MRPL50: variants seen among roughly 807,000 people sequenced by gnomAD.
The protein encoded by MRPL50 is large ribosomal subunit protein mL50.
Under a neutral mutation model 16.2 loss-of-function variants are expected in MRPL50, and 10 were observed. That is an observed-to-expected ratio of 0.62 (90% CI 0.38 to 1.05). MRPL50 has a LOEUF of 1.05. Ranked by LOEUF, MRPL50 falls within the 50% of genes least tolerant of loss-of-function variation. MRPL50 has a pLI of 0.01. For synonymous variants in MRPL50, 68 were observed against 66.8 expected (o/e 1.02, Z -0.09); for missense variants, 213 against 187.1 (o/e 1.14, Z -0.81).
intron 1 of MRPL50, among the ~76,000 whole-genome samples, chr9:101,393,843 G>C (rs192297634): frequency 2.2e-4 from 33 of 151,962 alleles, no homozygotes; most frequent in Non-Finnish European, 4.3e-4. Flanking sequence ...AATTGATGTT[G>C]TTGAAATGCT....
intron 1 of MRPL50, among the ~76,000 whole-genome samples, chr9:101,398,087 G>T (rs1207733436): frequency 1.3e-5 from 2 of 152,174 alleles, no homozygotes; most frequent in African/African-American, 2.4e-5. Flanking sequence ...ATGACTGAAT[G>T]AATGAACAAA....
rs147379393 is a variant in MRPL50, at chr9:101,394,961, T to C, written c.92+3540A>G. On this transcript the variant is annotated intron_variant, in intron 1 of 1. Coordinates refer to ENST00000374865, the MANE Select transcript of MRPL50 (RefSeq NM_019051.3). ...TATATCAAACTAAAAAGCTTCTGCA[T>C]AGCAAAGGCAACAATAAACAAAGTG... Among the ~76,000 whole-genome samples, 1,027 of 152,184 alleles carry C rather than the reference T, an allele frequency of 6.7e-3. 6 individuals carry two copies. The highest frequency in any genetic ancestry group is 0.011 in the Non-Finnish European group (750 of 67,988).
rs1165793597 is a variant in MRPL50 at position 101,388,151 on chromosome 9, G to A, written c.*2315C>T. The A allele has an allele frequency of 3.9e-5, 6 of 152,004 alleles. No individual in the cohort carries two copies. The highest frequency in any genetic ancestry group is 7.4e-5 in the Non-Finnish European group (5 of 67,982). 9.4% of individuals were successfully genotyped at this position (152,004 alleles called of 1,614,324 possible). ...ATGCAGAAGCTCAGGACCTACTCCA[G>A]ACTTACCAAATCAGAATTTGCATTT... On this transcript the variant is annotated 3_prime_UTR_variant, in exon 2 of 2. Transcript: ENST00000374865.
chr9:101,389,359 T>C lies in MRPL50; in HGVS notation c.*1107A>G, dbSNP rs1830241170. On this transcript the variant is annotated 3_prime_UTR_variant, in exon 2 of 2. Transcript: ENST00000374865. ...CCAGAGCTCCAGGCACTCTGACACCTGAAGTTCTTGAATGAAGTGCCTGTG... is the reference window on the plus strand; with the variant it reads ...CCAGAGCTCCAGGCACTCTGACACCCGAAGTTCTTGAATGAAGTGCCTGTG... 1.2e-6 allele frequency: 1 copy of C among 845,174 alleles called. No homozygotes were observed. The allele number at this position is 845,174 out of a possible 1,614,324, so 52.4% of individuals were successfully genotyped here. A position where few individuals can be genotyped will look rare whatever the true frequency, so the allele number is the denominator to read the frequency against.
chr9:101,390,334 C>A lies in MRPL50; in HGVS notation c.*132G>T. 1 of 1,410,280 alleles carries A rather than the reference C, an allele frequency of 7.1e-7. No individual in the cohort carries two copies. Among genetic ancestry groups the A allele is most frequent in the Non-Finnish European group, 9.3e-7 (1 of 1,080,606 alleles). 87.4% of individuals were successfully genotyped at this position (1,410,280 alleles called of 1,614,324 possible). A position where few individuals can be genotyped will look rare whatever the true frequency, so the allele number is the denominator to read the frequency against. ...ATGAGAAAAAAAAAGATGATACATT[C>A]CTCTACAGAAAAAGTGGGTTTAGAG... On this transcript the variant is annotated 3_prime_UTR_variant, in exon 2 of 2. Coordinates refer to ENST00000374865, the MANE Select transcript of MRPL50 (RefSeq NM_019051.3).
In MRPL50 at chr9:101,388,108, A is replaced by G. The variant is rs569350104; in HGVS notation, c.*2358T>C. The G allele has an allele frequency of 2.6e-5, 4 of 152,256 alleles. No homozygotes were observed. The highest frequency in any genetic ancestry group is 9.6e-5 in the African/African-American group (4 of 41,560). The allele number at this position is 152,256 out of a possible 1,614,324, so 9.4% of individuals were successfully genotyped here. A position where few individuals can be genotyped will look rare whatever the true frequency, so the allele number is the denominator to read the frequency against. On this transcript the variant is annotated 3_prime_UTR_variant, in exon 2 of 2. Transcript: ENST00000374865. ...GCATCTAGATCCATGTTCTCAAAACATAATCAGCTTTTGAAGCATGCAGAA... is the reference window on the plus strand; with the variant it reads ...GCATCTAGATCCATGTTCTCAAAACGTAATCAGCTTTTGAAGCATGCAGAA...
chr9:101,397,801 AT>A (rs1830378783), intron 1 of MRPL50, among the ~76,000 whole-genome samples: 1 of 152,218 alleles, frequency 6.6e-6, no homozygotes, highest in African/African-American at 2.4e-5. Context: ...ATACGTTTTG[AT>A]TTCCTAAACA....
rs1028784488 is a variant in MRPL50, at chr9:101,389,527, C to A, written c.*939G>T. On this transcript the variant is annotated 3_prime_UTR_variant, in exon 2 of 2. Coordinates refer to ENST00000374865, the MANE Select transcript of MRPL50 (RefSeq NM_019051.3). ...AAATGCAACTTATTTTGTTAAAAAC[C>A]CTTCTATCACTTTTCTTTAGGAATT... The A allele has an allele frequency of 8.2e-7, 1 of 1,216,522 alleles. No homozygotes were observed. Among genetic ancestry groups the A allele is most frequent in the Non-Finnish European group, 1.1e-6 (1 of 924,948 alleles). 75.4% of individuals were successfully genotyped at this position (1,216,522 alleles called of 1,614,324 possible).
chr9:101,389,412 T>C lies in MRPL50; in HGVS notation c.*1054A>G, dbSNP rs1830241583. The C allele has an allele frequency of 1.6e-6, 2 of 1,245,264 alleles. No homozygotes were observed. Among genetic ancestry groups the C allele is most frequent in the Non-Finnish European group, 2.1e-6 (2 of 949,554 alleles). The allele number at this position is 1,245,264 out of a possible 1,614,324, so 77.1% of individuals were successfully genotyped here. On this transcript the variant is annotated 3_prime_UTR_variant, in exon 2 of 2. Coordinates refer to ENST00000374865, the MANE Select transcript of MRPL50 (RefSeq NM_019051.3). ...TGATATTTGTAGGGCATGTCTATACTGTTAACTAATTTTCTTCATGAAGAT... is the reference window on the plus strand; with the variant it reads ...TGATATTTGTAGGGCATGTCTATACCGTTAACTAATTTTCTTCATGAAGAT...
At chr9:101,393,868 C>T (rs766562471) in intron 1 of MRPL50, among the ~76,000 whole-genome samples, 12 of 151,192 alleles carry the variant, frequency 7.9e-5, no homozygotes, top group Non-Finnish European at 1.6e-4. Flanking sequence ...CTACCCAAAG[C>T]GATATACTGT....
intron 1 of MRPL50, among the ~76,000 whole-genome samples, chr9:101,391,795 G>C (rs1830277265): frequency 6.6e-6 from 1 of 151,956 alleles, no homozygotes; most frequent in Non-Finnish European, 1.5e-5. Context: ...AATCAACAAA[G>C]AAAGACTGGA....
intron 1 of MRPL50, among the ~76,000 whole-genome samples, chr9:101,396,463 T>C (rs553528804): frequency 5.1e-4 from 77 of 152,318 alleles, no homozygotes; most frequent in Non-Finnish European, 9.6e-4. Context: ...TATATGTATA[T>C]GTGTACCTAT....
intron 1 of MRPL50, among the ~76,000 whole-genome samples, chr9:101,395,696 T>C (rs181217473): frequency 6.9e-4 from 104 of 150,374 alleles, no homozygotes; most frequent in Middle Eastern, 3.4e-3. Context: ...CTCGCTCCTA[T>C]GTGTGAACCA....
intron 1 of MRPL50, among the ~76,000 whole-genome samples, chr9:101,397,244 T>A (rs1830362355): frequency 6.6e-6 from 1 of 152,276 alleles, no homozygotes; most frequent in South Asian, 2.1e-4. Flanking sequence ...GAAAATTACT[T>A]GAGTCCAGGA....
At position 101,390,027 on chromosome 9, in the gene MRPL50, A is replaced by C. The variant is rs1193128208; in HGVS notation, c.*439T>G. On this transcript the variant is annotated 3_prime_UTR_variant, in exon 2 of 2. Transcript: ENST00000374865. ...TAATCTAGAACTGTCAGTAATACAC[A>C]ACATACTTTTATGTTTCTTTTATAG... The C allele has an allele frequency of 1.1e-6, 1 of 939,382 alleles. No individual in the cohort carries two copies. The highest frequency in any genetic ancestry group is 1.3e-6 in the Non-Finnish European group (1 of 786,984). 58.2% of individuals were successfully genotyped at this position (939,382 alleles called of 1,614,324 possible).
At position 101,398,472 on chromosome 9, in the gene MRPL50, A is replaced by G. The variant is rs757454272; in HGVS notation, c.92+29T>C. 23 of 1,593,552 alleles carry G rather than the reference A, an allele frequency of 1.4e-5. No homozygotes were observed. In the Admixed American group the frequency reaches 2.2e-4, roughly 15 times the overall value. Reference sequence around the variant, plus strand: ...TAATCCTCCTTAACTTTCCTTGAACATGACCCACCGTCCACCATAAAGCTT... The same window carrying G: ...TAATCCTCCTTAACTTTCCTTGAACGTGACCCACCGTCCACCATAAAGCTT... On this transcript the variant is annotated intron_variant, in intron 1 of 1. Transcript: ENST00000374865.
intron 1 of MRPL50, among the ~76,000 whole-genome samples, chr9:101,396,692 C>A (rs1334262143): frequency 6.6e-6 from 1 of 152,068 alleles, no homozygotes; most frequent in Non-Finnish European, 1.5e-5. Flanking sequence ...GCCTGTAATC[C>A]CAGCACTTTG....
At position 101,389,172 on chromosome 9, in the gene MRPL50, A is replaced by G. The variant is rs573170682; in HGVS notation, c.*1294T>C. ...AAATACTATTTACATTCTATTCAGT[A>G]TAAGTAATCTAAAGATGATTTAAAG... On this transcript the variant is annotated 3_prime_UTR_variant, in exon 2 of 2. Coordinates refer to ENST00000374865, the MANE Select transcript of MRPL50 (RefSeq NM_019051.3). 1.0e-4 allele frequency: 17 copies of G among 164,098 alleles called. No homozygotes were observed. Among genetic ancestry groups the G allele is most frequent in the South Asian group, 1.5e-4 (1 of 6,712 alleles). The allele number at this position is 164,098 out of a possible 1,614,324, so 10.2% of individuals were successfully genotyped here. A position where few individuals can be genotyped will look rare whatever the true frequency, so the allele number is the denominator to read the frequency against.
intron 1 of MRPL50, among the ~76,000 whole-genome samples, chr9:101,395,550 C>A (rs947365982): frequency 2.6e-5 from 4 of 151,978 alleles, no homozygotes; most frequent in Admixed American, 6.6e-5. Flanking sequence ...ATTAAAAAAA[C>A]CGTACATATA....
Sources: gnomAD v4.1 joint callset for allele counts (sites outside exome capture counted in the v4.1 genomes callset) on GRCh38, gnomAD v4.1.1 for gene constraint, MANE v1.5 for transcripts, NCBI Gene and HGNC (gene_info 2026-07-23, HGNC 2026-07-21) for gene names.